The following MUTYH variants were observed in gnomAD, a reference collection of about 807,000 sequenced individuals.
MUTYH encodes the protein adenine DNA glycosylase.
Under a neutral mutation model 72.9 loss-of-function variants are expected in MUTYH, and 64 were observed. The observed-to-expected ratio is 0.88, with a 90% CI of 0.72 to 1.08. MUTYH has a LOEUF of 1.08. Ranked by LOEUF, MUTYH falls within the 50% of genes least tolerant of loss-of-function variation. MUTYH has a pLI of 0.00. For missense variants in MUTYH, 633 were observed against 671.0 expected (o/e 0.94, Z 0.63); for synonymous variants, 234 against 263.1 (o/e 0.89, Z 1.07).
rs1428261191 is a variant in MUTYH, at chr1:45,332,777, C to T, written c.478G>A (p.Glu160Lys). Residue 160 changes from glutamate to lysine, a missense_variant, in exon 7 of 16, where the codon GAG becomes AAG. Glu to Lys is a moderately conservative substitution (Grantham distance 56). Coordinates refer to ENST00000456914, the MANE Select transcript of MUTYH (RefSeq NM_001048174.2). ...CATCCCCTTACCTTCCGAGCTCCCT[C>T]CTGCAGCCGCCGGCCACGAGAATAG... is the stretch of plus-strand genomic sequence containing the variant. ...GYYSRGRRLQ[E>K]GARKVVEELG... 1 of 1,614,074 alleles carries T rather than the reference C, an allele frequency of 6.2e-7. No individual in the cohort carries two copies. Among genetic ancestry groups the T allele is most frequent in the African/African-American group, 1.3e-5 (1 of 74,920 alleles).
chr1:45,337,916 G>A (rs1014203769), intron 1 of MUTYH, among the ~76,000 whole-genome samples: 14 of 152,254 alleles, frequency 9.2e-5, no homozygotes, highest in African/African-American at 2.6e-4. Context: ...GATGTTAGGT[G>A]ATAAATATTA....
chr1:45,337,705 C>A (rs79525864), intron 1 of MUTYH, among the ~76,000 whole-genome samples: 1 of 151,994 alleles, frequency 6.6e-6, no homozygotes, highest in Admixed American at 6.6e-5. Context: ...CCACTGCACT[C>A]CACCCTGGGC....
In MUTYH at chr1:45,332,699, G is replaced by T. The variant is rs1430529522; in HGVS notation, c.493-12C>A. Reference sequence around the variant, plus strand: ...AGCTCCTCTACCACCTGATTGGAGTGCAAGACTCAAGATTATAAGACACCC... The same window carrying T: ...AGCTCCTCTACCACCTGATTGGAGTTCAAGACTCAAGATTATAAGACACCC... On this transcript the variant is annotated splice_polypyrimidine_tract_variant and intron_variant, in intron 7 of 15. Coordinates refer to ENST00000456914, the MANE Select transcript of MUTYH (RefSeq NM_001048174.2). The T allele has an allele frequency of 1.9e-6, 3 of 1,614,068 alleles. No homozygotes were observed. Among genetic ancestry groups the T allele is most frequent in the East Asian group, 4.5e-5 (2 of 44,884 alleles).
rs1361561768 is a variant in MUTYH at position 45,332,695 on chromosome 1, G to A, written c.493-8C>T. 1.2e-6 allele frequency: 2 copies of A among 1,614,100 alleles called. No individual in the cohort carries two copies. The highest frequency in any genetic ancestry group is 8.5e-7 in the Non-Finnish European group (1 of 1,179,972). On this transcript the variant is annotated splice_polypyrimidine_tract_variant and splice_region_variant and intron_variant, in intron 7 of 15. Transcript: ENST00000456914. ...CCCTAGCTCCTCTACCACCTGATTGGAGTGCAAGACTCAAGATTATAAGAC... is the reference window on the plus strand; with the variant it reads ...CCCTAGCTCCTCTACCACCTGATTGAAGTGCAAGACTCAAGATTATAAGAC...
rs748700385 is a variant in MUTYH, at chr1:45,331,466, C to A, written c.1193G>T (p.Arg398Leu). Residue 398 changes from arginine (R) to leucine (L), a missense_variant, in exon 13 of 16, where the codon CGT (arginine) becomes CTT (leucine). Coordinates refer to ENST00000456914, the MANE Select transcript of MUTYH (RefSeq NM_001048174.2). Reference sequence around the variant, plus strand: ...CGTGGCTGGGAGGGGCCCAGCCCAACGCTGTAGTTCCTGCAGCAGGGCCTT... The same window carrying A: ...CGTGGCTGGGAGGGGCCCAGCCCAAAGCTGTAGTTCCTGCAGCAGGGCCTT... ...QRKALLQELQ[R>L]WAGPLPATHL... is the part of the protein sequence containing the mutation. The A allele has an allele frequency of 2.0e-5, 33 of 1,614,104 alleles. No individual in the cohort carries two copies. The highest frequency in any genetic ancestry group is 3.3e-5 in the South Asian group (3 of 91,082).
chr1:45,333,167 C>A lies in MUTYH; in HGVS notation c.308G>T (p.Trp103Leu), dbSNP rs1300812494. 1 of 1,613,744 alleles carries A rather than the reference C, an allele frequency of 6.2e-7. No homozygotes were observed. The highest frequency in any genetic ancestry group is 1.3e-5 in the African/African-American group (1 of 74,774). Reference sequence around the variant, plus strand: ...CTGCTGCAGCATGACCTCTGAGACCCACACTGGGGGAAAGGGGTTGGCATG... The same window carrying A: ...CTGCTGCAGCATGACCTCTGAGACCAACACTGGGGGAAAGGGGTTGGCATG... ...MDLDRRAYAVWVSEVMLQQTQ... is the reference protein window; with the variant it reads ...MDLDRRAYAVLVSEVMLQQTQ... The change falls in exon 5 of 16, where the codon TGG becomes TTG. Residue 103 changes from tryptophan to leucine, a missense_variant. Coordinates refer to ENST00000456914, the MANE Select transcript of MUTYH (RefSeq NM_001048174.2).
intron 1 of MUTYH, among the ~76,000 whole-genome samples, chr1:45,339,509 C>T (rs1316075948): frequency 2.0e-5 from 3 of 152,136 alleles, no homozygotes; most frequent in Non-Finnish European, 2.9e-5. Context: ...CCACCGCGCC[C>T]GGCCTAGGAA....
chr1:45,334,259 G>C, intron 2 of MUTYH, 132 bp downstream of exon 2: 4 of 1,389,200 alleles, frequency 2.9e-6, no homozygotes, highest in Non-Finnish European at 4.0e-6. Context: ...AAAGTGCTGG[G>C]ATTACAGGTG....
In MUTYH at chr1:45,339,952, G is replaced by T; in HGVS notation, c.-60C>A. The T allele has an allele frequency of 6.7e-7, 1 of 1,493,648 alleles. No homozygotes were observed. Among genetic ancestry groups the T allele is most frequent in the Non-Finnish European group, 9.0e-7 (1 of 1,110,536 alleles). 92.5% of individuals were successfully genotyped at this position (1,493,648 alleles called of 1,614,324 possible). A position where few individuals can be genotyped will look rare whatever the true frequency, so the allele number is the denominator to read the frequency against. ...AACACGGAGGCCCCGCGTTCCCGCCGCGAGAGCAGGAGAGAAAGATTACCT... is the reference window on the plus strand; with the variant it reads ...AACACGGAGGCCCCGCGTTCCCGCCTCGAGAGCAGGAGAGAAAGATTACCT... On this transcript the variant is annotated 5_prime_UTR_variant, in exon 1 of 16. Coordinates refer to ENST00000456914, the MANE Select transcript of MUTYH (RefSeq NM_001048174.2).
Position 45,331,327 on chromosome 1 carries a change from T to C in MUTYH, c.1247A>G (p.His416Arg), listed in dbSNP as rs144309934. The C allele has an allele frequency of 1.7e-5, 28 of 1,614,160 alleles. No homozygotes were observed. The highest frequency in any genetic ancestry group is 2.4e-5 in the Non-Finnish European group (28 of 1,180,026). The change falls in exon 14 of 16, where the codon CAC becomes CGC. Residue 416 changes from histidine to arginine, a missense_variant. Physicochemically the swap from His to Arg is conservative, Grantham distance 29 (BLOSUM62 0). Coordinates refer to ENST00000456914, the MANE Select transcript of MUTYH (RefSeq NM_001048174.2). ...TGTCAGCTTGATGTGAGAGAAGGTG[T>C]GGACAACCTGGAGGAAGGGTCAAGG... ...THLRHLGEVV[H>R]TFSHIKLTYQ...
chr1:45,338,424 T>C, intron 1 of MUTYH: 1 of 403,526 alleles, frequency 2.5e-6, no homozygotes, highest in Non-Finnish European at 4.8e-6. Flanking sequence ...TAACACCTTA[T>C]CATTTTTCAA....
At chr1:45,334,102 G>T (rs1354149240) in intron 2 of MUTYH, 3 of 416,464 alleles carry the variant, frequency 7.2e-6, no homozygotes, top group African/African-American at 6.1e-5. Context: ...TGCCTTCCAG[G>T]CTCAAGCGAT....
upstream of MUTYH, chr1:45,339,991 G>C: frequency 6.5e-7 from 1 of 1,535,088 alleles, no homozygotes; most frequent in Non-Finnish European, 8.8e-7. Flanking sequence ...GCGAGCTCTA[G>C]CGCGCCCGGC....
chr1:45,338,771 T>C (rs1646404679), intron 1 of MUTYH: 1 of 160,088 alleles, frequency 6.2e-6, no homozygotes, highest in Admixed American at 6.2e-5. Context: ...TTGTTTTGTT[T>C]TTAGAGACAG....
intron 1 of MUTYH, 192 bp downstream of exon 1, chr1:45,339,707 C>A: frequency 1.4e-6 from 1 of 729,294 alleles, no homozygotes; most frequent in Non-Finnish European, 2.1e-6. Flanking sequence ...CGATGGCCCA[C>A]TCCCCGCCTC....
Position 45,331,786 on chromosome 1 carries a change from C to T in MUTYH, c.977G>A (p.Gly326Glu). Residue 326 changes from glycine to glutamate, a missense_variant, in exon 12 of 16, where the codon GGA becomes GAA. Transcript: ENST00000456914. ...GGCCTTTCTGGGGAAGTTGACCACT[C>T]CCAGGGTCTGGTCCCAGGGCTCCGA... ...PPSEPWDQTLGVVNFPRKASR... is the reference protein window; with the variant it reads ...PPSEPWDQTLEVVNFPRKASR... The T allele has an allele frequency of 6.2e-7, 1 of 1,613,370 alleles. No individual in the cohort carries two copies. The highest frequency in any genetic ancestry group is 8.5e-7 in the Non-Finnish European group (1 of 1,179,662).
At position 45,333,812 on chromosome 1, in the gene MUTYH, C is replaced by T. The variant is rs531955882; in HGVS notation, c.116-251G>A. 5.3e-5 allele frequency among the ~76,000 whole-genome samples: 8 copies of T among 152,306 alleles called. No individual in the cohort carries two copies. The South Asian group carries it at 1.7e-3, about 32-fold the overall frequency. On this transcript the variant is annotated intron_variant, in intron 2 of 15. Transcript: ENST00000456914. ...CATAATGAAAACCTAATAGTTTTAG[C>T]CAGCTAGAATGTATACTGGTGCAGG...
At chr1:45,338,093 A>T (rs1646191844) in intron 1 of MUTYH, 1 of 495,714 alleles carries the variant, frequency 2.0e-6, no homozygotes, top group Non-Finnish European at 4.0e-6. Context: ...TAAGTAGGTC[A>T]ATGTGGTTAG....
chr1:45,334,659 T>G, intron 1 of MUTYH, 148 bp from the exon 2 acceptor site: 3 of 1,255,754 alleles, frequency 2.4e-6, no homozygotes, highest in Non-Finnish European at 3.4e-6. Context: ...ACGGGTTTAC[T>G]CTTGGCTGGC....
Sources: gnomAD v4.1 joint callset for allele counts (sites outside exome capture counted in the v4.1 genomes callset) on GRCh38, gnomAD v4.1.1 for gene constraint, MANE v1.5 for transcripts, NCBI Gene and HGNC (gene_info 2026-07-23, HGNC 2026-07-21) for gene names.